The following PPFIBP1 variants were observed in gnomAD, a reference collection of about 807,000 sequenced individuals.
The protein encoded by PPFIBP1 is PPFIB scaffold protein 1.
A neutral mutation model predicts 137.8 loss-of-function variants in PPFIBP1; 112 were observed. The ratio of observed to expected loss-of-function variants is 0.81; its 90% CI spans 0.70 to 0.95. The LOEUF (loss-of-function observed/expected upper bound fraction) is 0.95. Among genes scored for constraint, PPFIBP1 ranks in the 40% least tolerant of loss-of-function variants. The pLI is 0.00. For synonymous variants in PPFIBP1, 378 were observed against 417.3 expected, an observed-to-expected ratio of 0.91 and a Z score of 1.15; for missense variants, 1,083 against 1,196.6, an observed-to-expected ratio of 0.91 and a Z score of 1.40.
rs764194334 is a variant in PPFIBP1, at chr12:27,688,436, T to G, written c.2496+13T>G. On this transcript the variant is annotated intron_variant, in intron 26 of 29. Coordinates refer to ENST00000228425, the MANE Select transcript of PPFIBP1 (RefSeq NM_003622.4). ...TGGTGGGCTCATGGTAAAGCTCTGA[T>G]TTAATTTAAAATTGACTTACTTTGC... is the stretch of plus-strand genomic sequence containing the variant. 2.1e-5 allele frequency: 34 copies of G among 1,610,860 alleles called. No individual in the cohort carries two copies. The highest frequency in any genetic ancestry group is 2.9e-5 in the Non-Finnish European group (34 of 1,179,132).
At chr12:27,553,364 G>A (rs1328889286) in intron 1 of PPFIBP1, among the ~76,000 whole-genome samples, 1 of 152,082 alleles carries the variant, frequency 6.6e-6, no homozygotes, top group Non-Finnish European at 1.5e-5. Context: ...TGCTGTGTTG[G>A]TTCTTCTGCA....
At chr12:27,578,568 C>T (rs186240170) in intron 2 of PPFIBP1, among the ~76,000 whole-genome samples, 404 of 151,558 alleles carry the variant, frequency 2.7e-3, no homozygotes, top group African/African-American at 9.0e-3. Flanking sequence ...TCACTCTTCA[C>T]CTCACAGACC....
chr12:27,587,540 T>G (rs1318620305), intron 2 of PPFIBP1, among the ~76,000 whole-genome samples: 1 of 148,006 alleles, frequency 6.8e-6, no homozygotes. Context: ...GGAGAATGGC[T>G]TGAACCCGGG....
Position 27,578,707 on chromosome 12 carries a change from GTAA to G in PPFIBP1, c.-36+475_-36+477del, listed in dbSNP as rs367565169. On this transcript the variant is annotated intron_variant, in intron 2 of 29. Coordinates refer to ENST00000228425, the MANE Select transcript of PPFIBP1 (RefSeq NM_003622.4). ...ACTTTCTCCCTATTTCTCTTGCTCA[GTAA>G]TAATAACTACTATTTATTGAGCTTC... is the stretch of plus-strand genomic sequence containing the variant. Among the ~76,000 whole-genome samples, 102 of 152,300 alleles carry G rather than the reference GTAA, an allele frequency of 6.7e-4. 1 individual carries two copies. The highest frequency in any genetic ancestry group is 3.4e-3 in the Middle Eastern group (1 of 294).
chr12:27,676,575 A>C lies in PPFIBP1; in HGVS notation c.1558A>C (p.Arg520=), dbSNP rs770031779. ...CTTTTTTAAAATCAAAAGTAACAAG[A>C]GAACAGCAAGTGCACCAAACTTAGG... ...RGFFKIKSNK[R]TASAPNLDRK... The change falls in exon 18 of 30, where the codon AGA becomes CGA. Residue 520 remains arginine, a synonymous_variant. Transcript: ENST00000228425. The C allele has an allele frequency of 6.3e-7, 1 of 1,594,264 alleles. No homozygotes were observed. Among genetic ancestry groups the C allele is most frequent in the East Asian group, 2.2e-5 (1 of 44,498 alleles).
intron 19 of PPFIBP1, among the ~76,000 whole-genome samples, chr12:27,678,856 CAAAA>C (rs60834907): frequency 1.5e-4 from 15 of 98,962 alleles, no homozygotes; most frequent in African/African-American, 5.1e-4. Flanking sequence ...GACTCTGTCT[CAAAA>C]AAAAAAAAAA....
chr12:27,549,385 T>A (rs1051929926), intron 1 of PPFIBP1: 1 of 152,226 alleles, frequency 6.6e-6, no homozygotes, highest in Non-Finnish European at 1.5e-5. Flanking sequence ...ATCATTGGCA[T>A]TCTGGAGTTA....
intron 1 of PPFIBP1, among the ~76,000 whole-genome samples, chr12:27,525,939 C>G: frequency 6.6e-6 from 1 of 152,146 alleles, no homozygotes; most frequent in Non-Finnish European, 1.5e-5. Flanking sequence ...AAGGAAAATT[C>G]GCTTTATTGG....
chr12:27,649,522 G>A (rs180916889), intron 6 of PPFIBP1, among the ~76,000 whole-genome samples: 29 of 152,216 alleles, frequency 1.9e-4, no homozygotes, highest in Admixed American at 6.5e-4. Flanking sequence ...TCAAAGGAGG[G>A]TAACTAAAGT....
chr12:27,534,846 T>C (rs1944811260), intron 1 of PPFIBP1, among the ~76,000 whole-genome samples: 1 of 152,252 alleles, frequency 6.6e-6, no homozygotes, highest in African/African-American at 2.4e-5. Flanking sequence ...AGTTTACTTA[T>C]TTCTAGAAAG....
At chr12:27,590,636 T>A (rs1265961528) in intron 2 of PPFIBP1, among the ~76,000 whole-genome samples, 1 of 152,168 alleles carries the variant, frequency 6.6e-6, no homozygotes, top group Non-Finnish European at 1.5e-5. Flanking sequence ...AGGAGGGTCA[T>A]GATCCCTTTG....
chr12:27,591,539 G>T (rs2052518773), intron 2 of PPFIBP1, among the ~76,000 whole-genome samples: 1 of 152,176 alleles, frequency 6.6e-6, no homozygotes, highest in Non-Finnish European at 1.5e-5. Context: ...GTTTCAATGA[G>T]AATTGACTCT....
intron 7 of PPFIBP1, among the ~76,000 whole-genome samples, chr12:27,651,168 A>G: frequency 6.6e-6 from 1 of 152,232 alleles, no homozygotes; most frequent in Non-Finnish European, 1.5e-5. Context: ...TGCTATTTTC[A>G]AAATTAAATT....
Position 27,689,221 on chromosome 12 carries a change from C to A in PPFIBP1, c.2685+18C>A. Reference sequence around the variant, plus strand: ...AAGTGAAGGTTGGTTCAGGCTCATACGGTTTAATAATTGCTTGGCGCAAAG... The same window carrying A: ...AAGTGAAGGTTGGTTCAGGCTCATAAGGTTTAATAATTGCTTGGCGCAAAG... On this transcript the variant is annotated intron_variant, in intron 27 of 29. Transcript: ENST00000228425. The A allele has an allele frequency of 1.3e-6, 2 of 1,523,262 alleles. No individual in the cohort carries two copies. Among genetic ancestry groups the A allele is most frequent in the Non-Finnish European group, 1.8e-6 (2 of 1,141,928 alleles). The allele number at this position is 1,523,262 out of a possible 1,614,324, so 94.4% of individuals were successfully genotyped here.
intron 1 of PPFIBP1, chr12:27,548,238 A>G (rs922864338): frequency 2.6e-5 from 4 of 152,192 alleles, no homozygotes; most frequent in African/African-American, 9.7e-5. Context: ...TATTCATCCT[A>G]TGTGTATATA....
intron 1 of PPFIBP1, among the ~76,000 whole-genome samples, chr12:27,530,583 G>A (rs922278065): frequency 3.9e-5 from 6 of 152,224 alleles, no homozygotes; most frequent in African/African-American, 1.4e-4. Flanking sequence ...ATGTGGGAAA[G>A]ACACAGCTGG....
Position 27,660,888 on chromosome 12 carries a change from CG to C in PPFIBP1, c.850del (p.Glu284LysfsTer5). 3 of 1,612,814 alleles carry C rather than the reference CG, an allele frequency of 1.9e-6. No individual in the cohort carries two copies. In the South Asian group the frequency reaches 3.3e-5, roughly 18 times the overall value. On this transcript the variant is annotated frameshift_variant, in exon 11 of 30. Transcript: ENST00000228425. LOFTEE classifies it high-confidence loss of function. ...CTGATTTGATGTTATTTTCAGACAT[CG>C]AAGTACAAAAAATGAAAAAAGCTGT... is the stretch of plus-strand genomic sequence containing the variant. The part of the protein sequence containing the change: ...FKKKLKEKNI[E>X]VQKMKKAVES...
intron 2 of PPFIBP1, among the ~76,000 whole-genome samples, chr12:27,609,342 CTCA>C (rs1325924059): frequency 6.6e-6 from 1 of 152,194 alleles, no homozygotes; most frequent in Non-Finnish European, 1.5e-5. Flanking sequence ...TCCTCATCTG[CTCA>C]TCTTTTCAGT....
intron 1 of PPFIBP1, among the ~76,000 whole-genome samples, chr12:27,536,192 T>G (rs1592303828): frequency 6.6e-6 from 1 of 152,118 alleles, no homozygotes; most frequent in African/African-American, 2.4e-5. Context: ...GCACCAGGAG[T>G]TCACGGGAAT....
Sources: allele counts gnomAD v4.1 joint callset (sites outside exome capture counted in the v4.1 genomes callset), GRCh38; gene constraint gnomAD v4.1.1; transcripts MANE v1.5; gene names NCBI Gene and HGNC (gene_info 2026-07-23, HGNC 2026-07-21).